SMYD2: variants seen among roughly 807,000 people sequenced by gnomAD.
The protein encoded by SMYD2 is SET and MYND domain containing 2, also known as N-lysine methyltransferase SMYD2.
Under a neutral mutation model 59.1 loss-of-function variants are expected in SMYD2, and 53 were observed. The ratio of observed to expected loss-of-function variants is 0.90; its 90% CI spans 0.72 to 1.13. The LOEUF is 1.13. SMYD2 is among the 50% of genes most tolerant of loss of function. SMYD2 has a pLI of 0.00. For synonymous variants in SMYD2, 208 were observed against 198.8 expected, an observed-to-expected ratio of 1.05 and a Z score of -0.39; for missense variants, 494 against 544.7, an observed-to-expected ratio of 0.91 and a Z score of 0.93.
At chr1:214,306,512 C>T (rs571910192) in intron 2 of SMYD2, among the ~76,000 whole-genome samples, 6 of 152,286 alleles carry the variant, frequency 3.9e-5, no homozygotes, top group African/African-American at 9.6e-5. Flanking sequence ...AGCAGGCTCC[C>T]GGAGGCTGTC....
At chr1:214,332,456 T>A in intron 10 of SMYD2, 1 of 329,860 alleles carries the variant, frequency 3.0e-6, no homozygotes, top group Non-Finnish European at 5.5e-6. Flanking sequence ...ATATCCATAG[T>A]AGTTAACTCA....
intron 2 of SMYD2, among the ~76,000 whole-genome samples, chr1:214,307,939 C>T (rs6700976): frequency 0.52 from 79,385 of 152,104 alleles, 21,584 homozygotes; most frequent in African/African-American, 0.68. Context: ...AGGTGGCCGC[C>T]TCATAATGAC....
intron 5 of SMYD2, among the ~76,000 whole-genome samples, chr1:214,323,708 T>C (rs780504726): frequency 7.2e-5 from 11 of 152,176 alleles, no homozygotes; most frequent in Non-Finnish European, 1.3e-4. Context: ...CCCAAAGTGC[T>C]GGGATTACAG....
chr1:214,310,637 A>G (rs1490791404), intron 2 of SMYD2, among the ~76,000 whole-genome samples: 2 of 152,070 alleles, frequency 1.3e-5, no homozygotes, highest in Non-Finnish European at 2.9e-5. Context: ...ATAACATTTA[A>G]AAAAGCATAA....
intron 5 of SMYD2, among the ~76,000 whole-genome samples, chr1:214,319,185 A>G (rs1256702126): frequency 3.3e-5 from 5 of 152,152 alleles, no homozygotes; most frequent in African/African-American, 4.8e-5. Flanking sequence ...GCTGGCCCTC[A>G]TTGATGGGTG....
intron 1 of SMYD2, among the ~76,000 whole-genome samples, chr1:214,293,240 G>C (rs963082988): frequency 1.3e-5 from 2 of 152,062 alleles, no homozygotes; most frequent in East Asian, 3.9e-4. Flanking sequence ...TTTTCATAGA[G>C]ATGGGGTTTC....
At chr1:214,323,101 A>G (rs900291575) in intron 5 of SMYD2, among the ~76,000 whole-genome samples, 1 of 152,186 alleles carries the variant, frequency 6.6e-6, no homozygotes, top group Non-Finnish European at 1.5e-5. Flanking sequence ...TGGACAAATC[A>G]TTGTTCCTCT....
intron 1 of SMYD2, among the ~76,000 whole-genome samples, chr1:214,290,605 G>A (rs1450100922): frequency 6.6e-6 from 1 of 152,090 alleles, no homozygotes; most frequent in Non-Finnish European, 1.5e-5. Flanking sequence ...CAGGGGACGC[G>A]GAGTCACCAT....
rs140910398 is a variant in SMYD2, at chr1:214,300,528, T to C, written c.174-4659T>C. 3.0e-3 allele frequency among the ~76,000 whole-genome samples: 464 copies of C among 152,266 alleles called. 4 individuals are homozygous for C. The highest frequency in any genetic ancestry group is 0.01 in the African/African-American group (425 of 41,544). ...TCCCCATTGCATCTTTAAAGCAAAG[T>C]GACATTAATGGGATACCACTGGAGC... On this transcript the variant is annotated intron_variant, in intron 1 of 11. Transcript: ENST00000366957.
At chr1:214,319,634 AC>A in intron 5 of SMYD2, among the ~76,000 whole-genome samples, 1 of 151,980 alleles carries the variant, frequency 6.6e-6, no homozygotes, top group Middle Eastern at 3.4e-3. Flanking sequence ...CATTGTTAGG[AC>A]GAGAGAACAA....
Position 214,324,640 on chromosome 1 carries a change from G to C in SMYD2, c.535-1G>C. 6.2e-7 allele frequency: 1 copy of C among 1,608,722 alleles called. No individual in the cohort carries two copies. Among genetic ancestry groups the C allele is most frequent in the Non-Finnish European group, 8.5e-7 (1 of 1,177,872 alleles). The stretch of plus-strand genomic sequence containing the variant: ...TCCTTTCTCCCTTTTTCTTGCTGCA[G>C]GTTAACTGTAATGGCTTCACAATTG... On this transcript the variant is annotated splice_acceptor_variant, in intron 5 of 11. Coordinates refer to ENST00000366957, the MANE Select transcript of SMYD2 (RefSeq NM_020197.3). LOFTEE classifies it high-confidence loss of function.
chr1:214,301,122 C>T lies in SMYD2; in HGVS notation c.174-4065C>T, dbSNP rs932793881. On this transcript the variant is annotated intron_variant, in intron 1 of 11. Transcript: ENST00000366957. ...AAATTTTTGTAAGTCTCTTTAATGT[C>T]TGGATTTATAGAAGACAACTGGATT... is the stretch of plus-strand genomic sequence containing the variant. Among the ~76,000 whole-genome samples, 3 of 152,180 alleles carry T rather than the reference C, an allele frequency of 2.0e-5. No individual in the cohort carries two copies. In the East Asian group the frequency reaches 5.8e-4, roughly 29 times the overall value.
At chr1:214,292,536 A>G (rs1391774248) in intron 1 of SMYD2, among the ~76,000 whole-genome samples, 2 of 152,332 alleles carry the variant, frequency 1.3e-5, no homozygotes, top group African/African-American at 4.8e-5. Flanking sequence ...CCCAGCGTTT[A>G]GCAAGAAGAC....
intron 9 of SMYD2, 191 bp downstream of exon 9, chr1:214,331,261 T>G (rs2270704): frequency 2.5e-6 from 2 of 812,176 alleles, no homozygotes; most frequent in East Asian, 6.0e-5. Flanking sequence ...GTTGTATGAT[T>G]TTATTTCCCC....
chr1:214,315,140 A>G (rs753229295), intron 3 of SMYD2, among the ~76,000 whole-genome samples: 1 of 152,196 alleles, frequency 6.6e-6, no homozygotes, highest in Non-Finnish European at 1.5e-5. Context: ...ACAGGTTTAC[A>G]TGGAAATACG....
intron 2 of SMYD2, among the ~76,000 whole-genome samples, chr1:214,310,627 A>G (rs183772004): frequency 6.6e-6 from 1 of 151,696 alleles, no homozygotes; most frequent in Non-Finnish European, 1.5e-5. Flanking sequence ...AGAAAAATTG[A>G]TAACATTTAA....
chr1:214,293,739 C>T (rs1656676094), intron 1 of SMYD2, among the ~76,000 whole-genome samples: 1 of 152,260 alleles, frequency 6.6e-6, no homozygotes, highest in East Asian at 1.9e-4. Flanking sequence ...TGCAATGGCG[C>T]GATCTCGGCT....
chr1:214,308,818 T>C (rs1656955191), intron 2 of SMYD2, among the ~76,000 whole-genome samples: 1 of 152,096 alleles, frequency 6.6e-6, no homozygotes, highest in South Asian at 2.1e-4. Flanking sequence ...AGAACAGAGA[T>C]GAGACTTTAC....
At chr1:214,295,697 C>T (rs1332885188) in intron 1 of SMYD2, among the ~76,000 whole-genome samples, 6 of 152,198 alleles carry the variant, frequency 3.9e-5, no homozygotes, top group African/African-American at 1.4e-4. Context: ...CCCCGCTGCA[C>T]GTGGGTCCCG....
Sources: gnomAD v4.1 joint callset for allele counts (sites outside exome capture counted in the v4.1 genomes callset) on GRCh38, gnomAD v4.1.1 for gene constraint, MANE v1.5 for transcripts, NCBI Gene and HGNC (gene_info 2026-07-23, HGNC 2026-07-21) for gene names.